UBE3D: variants seen among roughly 807,000 people sequenced by gnomAD.
The protein encoded by UBE3D is E3 ubiquitin-protein ligase E3D.
Under a neutral mutation model 49.6 loss-of-function variants are expected in UBE3D, and 48 were observed. The observed-to-expected ratio is 0.97, with a 90% confidence interval of 0.77 to 1.23. The LOEUF is 1.23. UBE3D is among the 50% of genes most tolerant of loss of function. UBE3D has a pLI of 0.00. For synonymous variants in UBE3D, 189 were observed against 174.2 expected (o/e 1.08, Z -0.67); for missense variants, 452 against 468.4 (o/e 0.96, Z 0.32).
intron 8 of UBE3D, among the ~76,000 whole-genome samples, chr6:82,994,238 A>G (rs1213115043): frequency 1.3e-5 from 2 of 152,312 alleles, no homozygotes; most frequent in East Asian, 3.9e-4. Flanking sequence ...TAAAAACACC[A>G]ATTTATATAT....
chr6:82,907,690 T>C (rs760963397), intron 9 of UBE3D, among the ~76,000 whole-genome samples: 16 of 152,228 alleles, frequency 1.1e-4, no homozygotes, highest in Non-Finnish European at 1.9e-4. Flanking sequence ...CACCAAATGA[T>C]GTCACTGATG....
intron 8 of UBE3D, among the ~76,000 whole-genome samples, chr6:83,011,623 C>T (rs113943994): frequency 0.01 from 1,555 of 152,256 alleles, 26 homozygotes; most frequent in African/African-American, 0.035. Flanking sequence ...TCAATCACCC[C>T]GGCCAACACT....
chr6:82,959,154 AT>A lies in UBE3D; in HGVS notation c.1011-1705del, dbSNP rs1011603843. Among the ~76,000 whole-genome samples, 168 of 145,388 alleles carry A rather than the reference AT, an allele frequency of 1.2e-3. 1 individual carries two copies. The highest frequency in any genetic ancestry group is 7.0e-3 in the South Asian group (32 of 4,556). Reference sequence around the variant, plus strand: ...AGGAAAAGACAAACCATGTCCTCTAATTTTTTTTTTTTTAGAAAAATAGAAA... The same window carrying A: ...AGGAAAAGACAAACCATGTCCTCTAATTTTTTTTTTTTAGAAAAATAGAAA... On this transcript the variant is annotated intron_variant, in intron 8 of 9. Coordinates refer to ENST00000369747, the MANE Select transcript of UBE3D (RefSeq NM_198920.3).
At chr6:82,890,826 A>T (rs1770965783), downstream of UBE3D, among the ~76,000 whole-genome samples, 1 of 152,240 alleles carries the variant, frequency 6.6e-6, no homozygotes, top group Non-Finnish European at 1.5e-5. Flanking sequence ...TTATCTGTGC[A>T]ATCACAAGCA....
chr6:83,057,751 C>T, intron 2 of UBE3D, 75 bp downstream of exon 2: 2 of 1,497,316 alleles, frequency 1.3e-6, no homozygotes, highest in Non-Finnish European at 1.8e-6. Context: ...AAAAGTTCAA[C>T]TTATCAAAGG....
intron 8 of UBE3D, among the ~76,000 whole-genome samples, chr6:82,979,377 G>A (rs1477806691): frequency 6.6e-6 from 1 of 152,056 alleles, no homozygotes; most frequent in Non-Finnish European, 1.5e-5. Flanking sequence ...ACATTAACCT[G>A]AGAGAAATTT....
intron 3 of UBE3D, among the ~76,000 whole-genome samples, chr6:83,046,501 A>G (rs957716153): frequency 3.3e-5 from 5 of 152,264 alleles, no homozygotes; most frequent in East Asian, 1.9e-4. Flanking sequence ...TACATTTCCT[A>G]TAAGTCTACT....
intron 8 of UBE3D, among the ~76,000 whole-genome samples, chr6:82,971,874 G>A (rs1419111328): frequency 1.3e-5 from 2 of 152,060 alleles, no homozygotes; most frequent in African/African-American, 4.8e-5. Context: ...AGCTTTATTT[G>A]GAGTTGCATT....
At chr6:83,049,853 A>G (rs1258521143) in intron 3 of UBE3D, 1 of 467,360 alleles carries the variant, frequency 2.1e-6, no homozygotes, top group African/African-American at 2.0e-5. Flanking sequence ...TCTAAAATAC[A>G]TAAATTCCAA....
At chr6:83,042,386 G>T (rs1460011342) in intron 4 of UBE3D, among the ~76,000 whole-genome samples, 1 of 152,070 alleles carries the variant, frequency 6.6e-6, no homozygotes, top group Admixed American at 6.5e-5. Context: ...AGAAAAGAAA[G>T]TGTTGGGCTT....
chr6:82,885,717 G>A, the UBE3D span, among the ~76,000 whole-genome samples: 6 of 152,148 alleles, frequency 3.9e-5, no homozygotes, highest in African/African-American at 1.4e-4. Context: ...GAAGTCAGGA[G>A]GAAGGGGATT....
At chr6:83,055,292 G>T (rs182229535) in intron 2 of UBE3D, among the ~76,000 whole-genome samples, 49 of 152,178 alleles carry the variant, frequency 3.2e-4, no homozygotes, top group African/African-American at 1.2e-3. Context: ...AAGAAATGAG[G>T]TCATATCCAT....
intron 9 of UBE3D, among the ~76,000 whole-genome samples, chr6:82,929,279 A>C (rs1773971311): frequency 1.3e-5 from 2 of 152,172 alleles, no homozygotes; most frequent in Non-Finnish European, 2.9e-5. Context: ...GACCTATAAT[A>C]AAATTCTCGG....
chr6:83,014,115 C>T (rs1259952348), intron 8 of UBE3D, among the ~76,000 whole-genome samples: 1 of 152,240 alleles, frequency 6.6e-6, no homozygotes, highest in African/African-American at 2.4e-5. Context: ...AATGAAACCA[C>T]ATCTGGTACT....
intron 8 of UBE3D, among the ~76,000 whole-genome samples, chr6:83,002,294 A>C (rs1468886233): frequency 1.3e-5 from 2 of 152,162 alleles, no homozygotes; most frequent in East Asian, 3.9e-4. Flanking sequence ...TCATTTTGAA[A>C]CTTAATTTCC....
intron 4 of UBE3D, among the ~76,000 whole-genome samples, chr6:83,040,409 A>C (rs1033166600): frequency 2.1e-4 from 32 of 151,454 alleles, no homozygotes; most frequent in East Asian, 7.8e-4. Context: ...CTCTCTATAT[A>C]TATATATATT....
intron 8 of UBE3D, among the ~76,000 whole-genome samples, chr6:82,972,462 G>T (rs2094592308): frequency 6.6e-6 from 1 of 152,190 alleles, no homozygotes; most frequent in African/African-American, 2.4e-5. Context: ...AAGATCTCAT[G>T]CTACCTGTGC....
At chr6:82,946,568 TACAAA>T (rs1323510191) in intron 9 of UBE3D, among the ~76,000 whole-genome samples, 6 of 152,046 alleles carry the variant, frequency 3.9e-5, no homozygotes, top group Non-Finnish European at 2.9e-5. Context: ...CATCTGAAGG[TACAAA>T]ACTCACCAGC....
intron 5 of UBE3D, among the ~76,000 whole-genome samples, chr6:83,028,077 ACT>A (rs1781609532): frequency 6.6e-6 from 1 of 152,188 alleles, no homozygotes; most frequent in South Asian, 2.1e-4. Flanking sequence ...CAATTATAAC[ACT>A]TTTTAAGAAA....
Sources: gnomAD v4.1 joint callset for allele counts (sites outside exome capture counted in the v4.1 genomes callset) on GRCh38, gnomAD v4.1.1 for gene constraint, MANE v1.5 for transcripts, NCBI Gene and HGNC (gene_info 2026-07-23, HGNC 2026-07-21) for gene names.